The following ARHGAP26 variants were observed in gnomAD, a reference collection of about 807,000 sequenced individuals.
The protein encoded by ARHGAP26 is rho GTPase-activating protein 26.
Under a neutral mutation model 104.8 loss-of-function variants are expected in ARHGAP26, and 38 were observed. The ratio of observed to expected loss-of-function variants is 0.36; its 90% CI spans 0.28 to 0.48. The LOEUF (loss-of-function observed/expected upper bound fraction) is 0.48. Ranked by LOEUF, ARHGAP26 falls within the 20% of genes least tolerant of loss-of-function variation. The pLI, the probability that ARHGAP26 is intolerant of heterozygous loss-of-function variation, is 0.99. For synonymous variants in ARHGAP26, 341 were observed against 340.0 expected, an observed-to-expected ratio of 1.00 and a Z score of -0.03; for missense variants, 704 against 947.9, an observed-to-expected ratio of 0.74 and a Z score of 3.38.
Position 143,056,572 on chromosome 5 carries a change from A to G in ARHGAP26, c.1432+486A>G, listed in dbSNP as rs17707117. Among the ~76,000 whole-genome samples, 328 of 152,124 alleles carry G rather than the reference A, an allele frequency of 2.2e-3. 5 individuals are homozygous for G. The East Asian group carries it at 0.042, about 20-fold the overall frequency. On this transcript the variant is annotated intron_variant, in intron 16 of 22. Coordinates refer to ENST00000645722, the MANE Select transcript of ARHGAP26 (RefSeq NM_001135608.3). ...TTATGTCTTCCATTTACAGCTTCTGATCATTCTTCAACTACATCATCCAGG... is the reference window on the plus strand; with the variant it reads ...TTATGTCTTCCATTTACAGCTTCTGGTCATTCTTCAACTACATCATCCAGG...
rs1302009439 is a variant in ARHGAP26, at chr5:142,885,280, C to G, written c.385-18C>G. 6.2e-7 allele frequency: 1 copy of G among 1,607,206 alleles called. No individual in the cohort carries two copies. The highest frequency in any genetic ancestry group is 1.3e-5 in the African/African-American group (1 of 74,890). ...AACGTGTTACTCTTTTTCTTTTTCT[C>G]TTCTCTTTTTTTGCCAGGAAGCCAA... On this transcript the variant is annotated intron_variant, in intron 4 of 22. Transcript: ENST00000645722.
chr5:143,156,235 C>CTT (rs530601920), intron 20 of ARHGAP26, among the ~76,000 whole-genome samples: 318 of 152,276 alleles, frequency 2.1e-3, no homozygotes, highest in Non-Finnish European at 3.9e-3. Flanking sequence ...CTTTTGAAAC[C>CTT]TTTTTTAGTC....
intron 11 of ARHGAP26, among the ~76,000 whole-genome samples, chr5:142,965,680 C>T (rs1437397923): frequency 6.6e-6 from 1 of 152,232 alleles, no homozygotes; most frequent in Non-Finnish European, 1.5e-5. Flanking sequence ...CTAAGATCTA[C>T]ATCTGGTATA....
In ARHGAP26 at chr5:142,927,071, G is replaced by A. The variant is rs185840075; in HGVS notation, c.1029-4976G>A. 1.2e-4 allele frequency among the ~76,000 whole-genome samples: 19 copies of A among 152,240 alleles called. No homozygotes were observed. The East Asian group carries it at 2.1e-3, about 17-fold the overall frequency. On this transcript the variant is annotated intron_variant, in intron 10 of 22. Coordinates refer to ENST00000645722, the MANE Select transcript of ARHGAP26 (RefSeq NM_001135608.3). ...AGAATAGTTCAGTTGCTAGTCTGCC[G>A]TGGTTATACATCTAGGAAGCACTAG... is the stretch of plus-strand genomic sequence containing the variant.
chr5:143,167,932 G>A (rs895908760), intron 20 of ARHGAP26, among the ~76,000 whole-genome samples: 1 of 152,154 alleles, frequency 6.6e-6, no homozygotes, highest in Admixed American at 6.5e-5. Flanking sequence ...GAGTTACAGG[G>A]GATCGTGCCC....
intron 20 of ARHGAP26, among the ~76,000 whole-genome samples, chr5:143,191,639 A>G (rs919798443): frequency 6.6e-6 from 1 of 152,240 alleles, no homozygotes; most frequent in Non-Finnish European, 1.5e-5. Context: ...TTAAAATTAC[A>G]TGTGATACAC....
At chr5:143,074,125 C>T (rs1302724577) in intron 17 of ARHGAP26, among the ~76,000 whole-genome samples, 1 of 151,918 alleles carries the variant, frequency 6.6e-6, no homozygotes, top group East Asian at 1.9e-4. Flanking sequence ...ACTAGTATTG[C>T]TAATGACTTT....
At chr5:142,985,865 C>T (rs1335139263) in intron 11 of ARHGAP26, among the ~76,000 whole-genome samples, 3 of 152,036 alleles carry the variant, frequency 2.0e-5, no homozygotes, top group African/African-American at 4.8e-5. Context: ...CATAGTATTC[C>T]ATGGTGTATA....
intron 11 of ARHGAP26, among the ~76,000 whole-genome samples, chr5:142,948,497 C>T (rs760960874): frequency 6.6e-6 from 1 of 151,792 alleles, no homozygotes; most frequent in Non-Finnish European, 1.5e-5. Context: ...GTGCCCAGAG[C>T]TCTGGTTCCT....
At chr5:142,912,375 A>G (rs1761944706) in intron 9 of ARHGAP26, among the ~76,000 whole-genome samples, 1 of 152,380 alleles carries the variant, frequency 6.6e-6, no homozygotes, top group African/African-American at 2.4e-5. Flanking sequence ...CAATAGTTAC[A>G]GAAAGCAGAT....
chr5:142,954,283 G>A (rs1172956603), intron 11 of ARHGAP26, among the ~76,000 whole-genome samples: 2 of 152,128 alleles, frequency 1.3e-5, no homozygotes, highest in Non-Finnish European at 2.9e-5. Flanking sequence ...CCCACATCAG[G>A]TTATGCTTGC....
At chr5:142,862,922 CAG>C (rs1330672438) in intron 1 of ARHGAP26, among the ~76,000 whole-genome samples, 1 of 152,280 alleles carries the variant, frequency 6.6e-6, no homozygotes, top group Admixed American at 6.5e-5. Context: ...CTGAGACTAA[CAG>C]AGTCTGTGTT....
At chr5:143,056,620 T>A (rs1038396476) in intron 16 of ARHGAP26, among the ~76,000 whole-genome samples, 7 of 152,112 alleles carry the variant, frequency 4.6e-5, no homozygotes, top group African/African-American at 1.7e-4. Flanking sequence ...ATTACTGGTA[T>A]TAAAATACAT....
chr5:142,813,645 G>A (rs546800825), intron 1 of ARHGAP26, among the ~76,000 whole-genome samples: 1 of 152,294 alleles, frequency 6.6e-6, no homozygotes, highest in Admixed American at 6.5e-5. Context: ...TCTTCTCCCA[G>A]TATCTTCACA....
intron 11 of ARHGAP26, among the ~76,000 whole-genome samples, chr5:142,992,583 A>G (rs916673915): frequency 4.6e-5 from 7 of 151,774 alleles, no homozygotes; most frequent in Non-Finnish European, 4.4e-5. Context: ...ACCCGCCACC[A>G]TGCCCGGCTA....
intron 20 of ARHGAP26, among the ~76,000 whole-genome samples, chr5:143,152,773 G>A (rs139121133): frequency 2.6e-5 from 4 of 152,196 alleles, no homozygotes; most frequent in African/African-American, 9.7e-5. Flanking sequence ...GAAGCCTGTT[G>A]TAGCCTCCTT....
intron 19 of ARHGAP26, among the ~76,000 whole-genome samples, chr5:143,135,963 C>A (rs149156751): frequency 4.6e-4 from 70 of 152,356 alleles, no homozygotes; most frequent in African/African-American, 1.6e-3. Flanking sequence ...TCACTCACAC[C>A]TGCTGAATGA....
intron 17 of ARHGAP26, among the ~76,000 whole-genome samples, chr5:143,082,759 C>T (rs1298151829): frequency 4.6e-5 from 7 of 152,196 alleles, no homozygotes. Flanking sequence ...ACATACCTCT[C>T]CTTCTAAAGT....
At chr5:143,115,959 A>G (rs916146417) in intron 17 of ARHGAP26, among the ~76,000 whole-genome samples, 2 of 152,254 alleles carry the variant, frequency 1.3e-5, no homozygotes, top group South Asian at 4.1e-4. Flanking sequence ...TTCACGGCAT[A>G]TAAGTGGCTC....
Sources: allele counts gnomAD v4.1 joint callset (sites outside exome capture counted in the v4.1 genomes callset), GRCh38; gene constraint gnomAD v4.1.1; transcripts MANE v1.5; gene names NCBI Gene and HGNC (gene_info 2026-07-23, HGNC 2026-07-21).